Variants in FURIN observed in about 807,000 individuals in gnomAD.
FURIN encodes the protein furin, paired basic amino acid cleaving enzyme, also known as FES upstream region.
A neutral mutation model predicts 89.2 loss-of-function variants in FURIN; 18 were observed. The observed-to-expected ratio is 0.20, with a 90% CI of 0.14 to 0.30. The LOEUF is 0.30. FURIN is among the 10% of genes least tolerant of loss of function. FURIN has a pLI of 1.00. For synonymous variants in FURIN, 508 were observed against 466.4 expected (o/e 1.09, Z -1.15); for missense variants, 879 against 1,100.5 (o/e 0.80, Z 2.85).
At position 90,878,320 on chromosome 15, in the gene FURIN, G is replaced by A. The variant is rs1270981278; in HGVS notation, c.840+16G>A. The stretch of plus-strand genomic sequence containing the variant: ...GGTTAGCCAGGTGAGGTGGGGATCT[G>A]TCCAGCCCCTGCGGGCAGGTTGGGT... On this transcript the variant is annotated intron_variant, in intron 8 of 15. Transcript: ENST00000268171. 1 of 1,561,276 alleles carries A rather than the reference G, an allele frequency of 6.4e-7. No homozygotes were observed. The highest frequency in any genetic ancestry group is 2.3e-5 in the East Asian group (1 of 44,206).
intron 9 of FURIN, 143 bp downstream of exon 9, chr15:90,879,119 GC>G (rs1287977262): frequency 4.8e-6 from 3 of 625,582 alleles, no homozygotes; most frequent in Non-Finnish European, 8.5e-6. Flanking sequence ...GAACTCTGGG[GC>G]TCTGTAGGTT....
chr15:90,877,490 A>T (rs1414423079), intron 6 of FURIN, 37 bp from the exon 7 acceptor site: 9 of 1,515,204 alleles, frequency 5.9e-6, no homozygotes, highest in African/African-American at 2.8e-5. Flanking sequence ...TGTTCACCCC[A>T]TTTGTTCTAC....
At position 90,881,193 on chromosome 15, in the gene FURIN, T is replaced by C; in HGVS notation, c.1793-93T>C. 1 of 1,152,978 alleles carries C rather than the reference T, an allele frequency of 8.7e-7. No individual in the cohort carries two copies. Among genetic ancestry groups the C allele is most frequent in the South Asian group, 1.4e-5 (1 of 71,454 alleles). 71.4% of individuals were successfully genotyped at this position (1,152,978 alleles called of 1,614,324 possible). On this transcript the variant is annotated intron_variant, in intron 15 of 15. Transcript: ENST00000268171. This position sits in a 1 kb window ranked among gnomAD's most constrained non-coding sequence, Gnocchi z 4.3. ...CCACAGTCCTGGGGCTGGAGGATCC[T>C]GGGGATGTGGTGACTTGGCTTGGGG... is the stretch of plus-strand genomic sequence containing the variant.
chr15:90,878,036 C>T, intron 7 of FURIN, 96 bp from the exon 8 acceptor site: 7 of 1,194,294 alleles, frequency 5.9e-6, no homozygotes, highest in Non-Finnish European at 7.3e-6. Context: ...CCTTACTCAT[C>T]CCCTGGGGTG....
At chr15:90,872,691 A>G (rs2031382078) in intron 1 of FURIN, among the ~76,000 whole-genome samples, 1 of 152,208 alleles carries the variant, frequency 6.6e-6, no homozygotes. Flanking sequence ...AGAGGAAGTG[A>G]CTTGTTAAGA....
intron 1 of FURIN, chr15:90,871,492 C>CA (rs2031288894): frequency 6.7e-6 from 1 of 149,032 alleles, no homozygotes; most frequent in Non-Finnish European, 1.5e-5. Context: ...CGCTGGGGCC[C>CA]ACGGCGCTGG....
In FURIN at chr15:90,882,242, A is replaced by G. The variant is rs1444335414; in HGVS notation, c.*364A>G. 1 of 265,952 alleles carries G rather than the reference A, an allele frequency of 3.8e-6. No individual in the cohort carries two copies. Among genetic ancestry groups the G allele is most frequent in the Non-Finnish European group, 7.3e-6 (1 of 137,510 alleles). 16.5% of individuals were successfully genotyped at this position (265,952 alleles called of 1,614,324 possible). ...AGCTCTTGCCCTTCCCTGTCCCTCTAAAGCAATAATGGTCCCATCCAGGCA... is the reference window on the plus strand; with the variant it reads ...AGCTCTTGCCCTTCCCTGTCCCTCTGAAGCAATAATGGTCCCATCCAGGCA... On this transcript the variant is annotated 3_prime_UTR_variant, in exon 16 of 16. Transcript: ENST00000268171.
chr15:90,870,251 G>C (rs530838672), intron 1 of FURIN, among the ~76,000 whole-genome samples: 7 of 152,300 alleles, frequency 4.6e-5, no homozygotes, highest in African/African-American at 1.4e-4. Flanking sequence ...ATTTGAACCG[G>C]TTTGCTGATT....
rs1567083379 is a variant in FURIN, at chr15:90,877,509, CG to C, written c.579-17del. On this transcript the variant is annotated splice_polypyrimidine_tract_variant and intron_variant, in intron 6 of 15. Coordinates refer to ENST00000268171, the MANE Select transcript of FURIN (RefSeq NM_002569.4). ...CACCCCATTTGTTCTACTCATGCTACGTGCTTGGCCCTGGCAGGCACGGCAC... is the reference window on the plus strand; with the variant it reads ...CACCCCATTTGTTCTACTCATGCTACTGCTTGGCCCTGGCAGGCACGGCAC... The C allele has an allele frequency of 6.4e-7, 1 of 1,552,070 alleles. No homozygotes were observed. The highest frequency in any genetic ancestry group is 1.4e-5 in the African/African-American group (1 of 73,488).
At chr15:90,873,293 T>C (rs1006727315) in intron 1 of FURIN, among the ~76,000 whole-genome samples, 1 of 151,610 alleles carries the variant, frequency 6.6e-6, no homozygotes, top group African/African-American at 2.4e-5. Context: ...CCCTCTTTCT[T>C]TGGGGGGACT....
At chr15:90,870,974 AATATTAAAAGGAGG>A (rs2031256545) in intron 1 of FURIN, among the ~76,000 whole-genome samples, 1 of 152,212 alleles carries the variant, frequency 6.6e-6, no homozygotes, top group South Asian at 2.1e-4. Context: ...AAAAGCTAAA[AATATTAAAAGGAGG>A]TGGGCTACTT....
rs1228488390 is a variant in FURIN, at chr15:90,882,419, AC to A, written c.*542del. The A allele has an allele frequency of 6.2e-6, 1 of 160,486 alleles. No individual in the cohort carries two copies. Among genetic ancestry groups the A allele is most frequent in the Admixed American group, 5.9e-5 (1 of 17,078 alleles). The allele number at this position is 160,486 out of a possible 1,614,324, so 9.9% of individuals were successfully genotyped here. ...GCAAGGCAGGTGCCTCCAGGTGTGCACGTGGCATGTGGCCTGTGGCCTGTGT... is the reference window on the plus strand; with the variant it reads ...GCAAGGCAGGTGCCTCCAGGTGTGCAGTGGCATGTGGCCTGTGGCCTGTGT... On this transcript the variant is annotated 3_prime_UTR_variant, in exon 16 of 16. Coordinates refer to ENST00000268171, the MANE Select transcript of FURIN (RefSeq NM_002569.4).
intron 1 of FURIN, among the ~76,000 whole-genome samples, chr15:90,871,197 G>A (rs2031269095): frequency 6.6e-6 from 1 of 152,146 alleles, no homozygotes; most frequent in South Asian, 2.1e-4. Context: ...GGGGGACGGA[G>A]AGGGCCAGTC....
In FURIN at chr15:90,880,705, C is replaced by A. The variant is rs146377846; in HGVS notation, c.1571C>A (p.Ser524Tyr). ...TLLAARPHDY[S>Y]ADGFNDWAFM... is the part of the protein sequence containing the mutation. ...CCCCTCCCCAGGCCACATGACTACT[C>A]CGCAGATGGGTTTAATGACTGGGCC... is the stretch of plus-strand genomic sequence containing the variant. The change falls in exon 14 of 16, where the codon TCC (serine) becomes TAC (tyrosine). Residue 524 changes from serine (S) to tyrosine (Y), a missense_variant. Physicochemically the swap from Ser to Tyr is moderately radical, Grantham distance 144 (BLOSUM62 -2). Around this residue, in one of 5 missense-constraint regions of FURIN, gnomAD observed 457 missense variants for 490.7 expected, o/e 0.93. Transcript: ENST00000268171. The A allele has an allele frequency of 5.0e-6, 8 of 1,613,554 alleles. No individual in the cohort carries two copies. The highest frequency in any genetic ancestry group is 1.6e-4 in the Middle Eastern group (1 of 6,084).
rs777778205 is a variant in FURIN, at chr15:90,882,378, A to G, written c.*500A>G. 13 of 164,670 alleles carry G rather than the reference A, an allele frequency of 7.9e-5. No individual in the cohort carries two copies. Among genetic ancestry groups the G allele is most frequent in the Admixed American group, 6.2e-4 (11 of 17,722 alleles). 10.2% of individuals were successfully genotyped at this position (164,670 alleles called of 1,614,324 possible). ...GTGAGTCTTGGCGGCAGCAGCCATC[A>G]TAGGAAGGGACCAAGGCAAGGCAGG... On this transcript the variant is annotated 3_prime_UTR_variant, in exon 16 of 16. Coordinates refer to ENST00000268171, the MANE Select transcript of FURIN (RefSeq NM_002569.4).
chr15:90,871,062 CAAGAGGAGGCT>C (rs1440886608), intron 1 of FURIN, among the ~76,000 whole-genome samples: 1 of 152,192 alleles, frequency 6.6e-6, no homozygotes, highest in Non-Finnish European at 1.5e-5. Flanking sequence ...AACAGTAGGC[CAAGAGGAGGCT>C]GGTCCTGCCG....
At chr15:90,873,877 G>A (rs1437616237) in intron 1 of FURIN, among the ~76,000 whole-genome samples, 1 of 152,198 alleles carries the variant, frequency 6.6e-6, no homozygotes, top group Non-Finnish European at 1.5e-5. Flanking sequence ...TGTGTGTGGA[G>A]TACCCCCAGC....
At position 90,880,226 on chromosome 15, in the gene FURIN, C is replaced by T. The variant is rs1180335465; in HGVS notation, c.1509C>T (p.Ile503=). Residue 503 remains isoleucine, a synonymous_variant, in exon 13 of 16, where the codon ATC becomes ATT. Transcript: ENST00000268171. ...ATAATCGCCGTGGCGACCTGGCCATCCACCTGGTCAGCCCCATGGGCACCC... is the reference window on the plus strand; with the variant it reads ...ATAATCGCCGTGGCGACCTGGCCATTCACCTGGTCAGCCCCATGGGCACCC... The part of the protein sequence containing the change: ...LSYNRRGDLA[I]HLVSPMGTRS... The T allele has an allele frequency of 6.2e-7, 1 of 1,612,128 alleles. No individual in the cohort carries two copies. Among genetic ancestry groups the T allele is most frequent in the African/African-American group, 1.3e-5 (1 of 74,942 alleles).
intron 1 of FURIN, chr15:90,873,248 AC>A (rs2031417237): frequency 6.6e-6 from 1 of 152,100 alleles, no homozygotes; most frequent in Non-Finnish European, 1.5e-5. Flanking sequence ...CCCACCCCTC[AC>A]CATGGCTGGG....
Sources: allele counts gnomAD v4.1 joint callset (sites outside exome capture counted in the v4.1 genomes callset), GRCh38; gene constraint gnomAD v4.1.1; regional missense constraint gnomAD v4.1.1; non-coding constraint Gnocchi (gnomAD v3.1); transcripts MANE v1.5; gene names NCBI Gene and HGNC (gene_info 2026-07-23, HGNC 2026-07-21).